Variants in NAV1 observed in about 807,000 individuals in gnomAD.
NAV1 encodes pore membrane and/or filament interacting like protein 3.
A neutral mutation model predicts 175.2 loss-of-function variants in NAV1; 18 were observed. The observed-to-expected ratio is 0.10, with a 90% CI of 0.07 to 0.15. The LOEUF (loss-of-function observed/expected upper bound fraction) is 0.15. NAV1 is among the 10% of genes least tolerant of loss of function. The pLI, the probability that NAV1 is intolerant of heterozygous loss-of-function variation, is 1.00. For synonymous variants in NAV1, 897 were observed against 978.7 expected (o/e 0.92, Z 1.56); for missense variants, 1,731 against 2,436.6 (o/e 0.71, Z 6.10).
Position 201,578,783 on chromosome 1 carries a change from C to T in NAV1, c.-143-9756C>T, listed in dbSNP as rs150342557. Among the ~76,000 whole-genome samples, 14 of 152,222 alleles carry T rather than the reference C, an allele frequency of 9.2e-5. No individual in the cohort carries two copies. The East Asian group carries it at 2.7e-3, about 29-fold the overall frequency. ...TTGGCTGGAGTGAACTATCTATCAT[C>T]TAAAAGTTTGAACAACTATCATCAT... On this transcript the variant is annotated intron_variant, in intron 1 of 33. Transcript: ENST00000685211.
chr1:201,640,411 C>G (rs1668717377), intron 2 of NAV1, among the ~76,000 whole-genome samples: 1 of 152,176 alleles, frequency 6.6e-6, no homozygotes, highest in Admixed American at 6.5e-5. Flanking sequence ...TCTAGTGTCT[C>G]CTTTTTTTTC....
rs781345544 is a variant in NAV1, at chr1:201,649,329, A to G, written c.661A>G (p.Lys221Glu). 2.5e-6 allele frequency: 4 copies of G among 1,612,240 alleles called. No homozygotes were observed. In the Admixed American group the frequency reaches 6.7e-5, roughly 27 times the overall value. Residue 221 changes from lysine to glutamate, a missense_variant, in exon 1 of 30, where the codon AAG becomes GAG. By Grantham distance (56) the Lys-to-Glu change is moderately conservative. Around this residue, in one of 13 missense-constraint regions of NAV1, gnomAD observed 487 missense variants for 581.3 expected, o/e 0.84. Coordinates refer to ENST00000367296, the Ensembl canonical transcript of NAV1. ...GAGCTCTGGGCCTGTCCCCTCTGCC[A>G]AGGGCCAGGAGGAGCGCGCCTTCCT...
intron 1 of NAV1, among the ~76,000 whole-genome samples, chr1:201,584,895 G>A (rs1666979988): frequency 6.6e-6 from 1 of 152,226 alleles, no homozygotes; most frequent in South Asian, 2.1e-4. Flanking sequence ...GGCAGCCCAA[G>A]TCCTGGCATC....
At chr1:201,698,488 G>A (rs1004860437) in intron 1 of NAV1, among the ~76,000 whole-genome samples, 2 of 152,210 alleles carry the variant, frequency 1.3e-5, no homozygotes, top group East Asian at 1.9e-4. Flanking sequence ...CTTCAGAGGC[G>A]GTGATGTTCA....
chr1:201,606,827 T>C (rs1382161159), intron 2 of NAV1, among the ~76,000 whole-genome samples: 1 of 152,256 alleles, frequency 6.6e-6, no homozygotes, highest in African/African-American at 2.4e-5. Context: ...AGATGCAAGA[T>C]ACTAATTGCT....
intron 2 of NAV1, among the ~76,000 whole-genome samples, chr1:201,642,460 C>G (rs779626366): frequency 4.6e-5 from 7 of 151,750 alleles, no homozygotes; most frequent in African/African-American, 1.7e-4. Flanking sequence ...CTCCTGACCT[C>G]GTGATTCACC....
At chr1:201,759,985 T>G (rs1455609203) in intron 3 of NAV1, among the ~76,000 whole-genome samples, 2 of 152,240 alleles carry the variant, frequency 1.3e-5, no homozygotes, top group African/African-American at 4.8e-5. Flanking sequence ...AAACTTATCA[T>G]CTGGTACTCC....
At chr1:201,817,283 C>T in exon 29 of NAV1, 2 of 1,614,004 alleles carry the variant, frequency 1.2e-6, no homozygotes, top group Non-Finnish European at 1.7e-6. Flanking sequence ...CTCAGATCCT[C>T]TGGTGAGTAG....
At chr1:201,714,853 A>T (rs1421488133) in intron 2 of NAV1, among the ~76,000 whole-genome samples, 1 of 151,964 alleles carries the variant, frequency 6.6e-6, no homozygotes, top group African/African-American at 2.4e-5. Context: ...GGTGCCACTG[A>T]CTCAGAGCAG....
At chr1:201,577,520 A>G (rs1440892651) in intron 1 of NAV1, among the ~76,000 whole-genome samples, 1 of 130,722 alleles carries the variant, frequency 7.6e-6, no homozygotes, top group South Asian at 2.4e-4. Context: ...CAATCACTCC[A>G]GCACCATTTG....
intron 3 of NAV1, among the ~76,000 whole-genome samples, chr1:201,721,865 G>T (rs1455495771): frequency 6.6e-6 from 1 of 152,146 alleles, no homozygotes; most frequent in Non-Finnish European, 1.5e-5. Flanking sequence ...TATCTGCGGG[G>T]GGATCATCCC....
At chr1:201,736,416 A>G (rs939702670) in intron 3 of NAV1, among the ~76,000 whole-genome samples, 3 of 152,066 alleles carry the variant, frequency 2.0e-5, no homozygotes, top group Non-Finnish European at 2.9e-5. Context: ...CCCCATTCTA[A>G]CCAACCACAT....
chr1:201,778,610 A>G (rs1486856620), intron 3 of NAV1, among the ~76,000 whole-genome samples: 1 of 152,232 alleles, frequency 6.6e-6, no homozygotes, highest in Non-Finnish European at 1.5e-5. Flanking sequence ...TTGTCATTCA[A>G]TAACGGCTAT....
At chr1:201,692,507 A>G (rs1670993882) in intron 1 of NAV1, among the ~76,000 whole-genome samples, 2 of 152,186 alleles carry the variant, frequency 1.3e-5, no homozygotes, top group African/African-American at 4.8e-5. Context: ...GGAGTTTGTA[A>G]TGGTCTGGAA....
intron 2 of NAV1, among the ~76,000 whole-genome samples, chr1:201,607,292 T>A (rs1197860408): frequency 2.0e-5 from 3 of 151,670 alleles, no homozygotes; most frequent in Non-Finnish European, 4.4e-5. Context: ...ATTTTTGTAT[T>A]TTTGTAGAGA....
chr1:201,751,739 T>C (rs1674120872), intron 3 of NAV1, among the ~76,000 whole-genome samples: 1 of 152,214 alleles, frequency 6.6e-6, no homozygotes, highest in Non-Finnish European at 1.5e-5. Context: ...ATCCTTTCAG[T>C]TCCCTGTTAT....
chr1:201,616,022 C>G (rs1206028831), intron 2 of NAV1, among the ~76,000 whole-genome samples: 1 of 149,234 alleles, frequency 6.7e-6, no homozygotes, highest in Non-Finnish European at 1.5e-5. Flanking sequence ...TTTTTTGTCT[C>G]TGTGATCATA....
chr1:201,723,147 G>C (rs925517509), intron 3 of NAV1: 2 of 152,142 alleles, frequency 1.3e-5, no homozygotes, highest in African/African-American at 4.8e-5. Flanking sequence ...GAGGCGAAGT[G>C]GTTATCTCAT....
chr1:201,682,218 G>A (rs1427163998), intron 1 of NAV1, among the ~76,000 whole-genome samples: 79 of 152,084 alleles, frequency 5.2e-4, no homozygotes, highest in African/African-American at 1.8e-3. Flanking sequence ...CCCGGGAGGC[G>A]GAGGTTGCAG....
Sources: gnomAD v4.1 joint callset for allele counts (sites outside exome capture counted in the v4.1 genomes callset) on GRCh38, gnomAD v4.1.1 for gene constraint, gnomAD v4.1.1 regional missense constraint, MANE v1.5 for transcripts, NCBI Gene and HGNC (gene_info 2026-07-23, HGNC 2026-07-21) for gene names.